Variants in GRIP2 observed in about 807,000 individuals in gnomAD.
The protein encoded by GRIP2 is glutamate receptor interacting protein 2.
A neutral mutation model predicts 108.3 loss-of-function variants in GRIP2; 58 were observed. That is an observed-to-expected ratio of 0.54 (90% CI 0.43 to 0.67). The LOEUF (loss-of-function observed/expected upper bound fraction) is 0.67. Ranked by LOEUF, GRIP2 falls within the 30% of genes least tolerant of loss-of-function variation. The pLI is 0.00. For synonymous variants in GRIP2, 586 were observed against 598.2 expected (o/e 0.98, Z 0.30); for missense variants, 1,278 against 1,430.6 (o/e 0.89, Z 1.72).
At chr3:14,529,728 A>G (rs1694660321) in intron 1 of GRIP2, among the ~76,000 whole-genome samples, 1 of 152,044 alleles carries the variant, frequency 6.6e-6, no homozygotes, top group Admixed American at 6.5e-5. Context: ...CATTATCTCA[A>G]ACTCTTGGGA....
intron 20 of GRIP2, among the ~76,000 whole-genome samples, chr3:14,504,309 G>GT (rs35560980): frequency 0.039 from 4,795 of 121,602 alleles, 315 homozygotes; most frequent in African/African-American, 0.12. Context: ...GCACTTGCTT[G>GT]TTTTTTTTTT....
At position 14,522,640 on chromosome 3, in the gene GRIP2, C is replaced by G; in HGVS notation, c.566+360G>C. The stretch of plus-strand genomic sequence containing the variant: ...ACCCAGGAGACTGAGTCACAGACGG[C>G]TACAGCAGTGGCCAATCAGCGTGCC... On this transcript the variant is annotated intron_variant, in intron 6 of 23. Transcript: ENST00000621039. This position sits in a 1 kb window ranked among gnomAD's most constrained non-coding sequence, Gnocchi z 4.3. 4.3e-6 allele frequency: 1 copy of G among 233,978 alleles called. No homozygotes were observed. Among genetic ancestry groups the G allele is most frequent in the Non-Finnish European group, 8.5e-6 (1 of 117,370 alleles). The allele number at this position is 233,978 out of a possible 1,614,324, so 14.5% of individuals were successfully genotyped here.
the GRIP2 span, among the ~76,000 whole-genome samples, chr3:14,579,797 T>G: frequency 3.1e-4 from 47 of 152,236 alleles, no homozygotes; most frequent in Admixed American, 1.6e-3. Context: ...TGTTGATTTC[T>G]CCAGTATCCA....
At chr3:14,546,298 G>A (rs1575033431), upstream of GRIP2, among the ~76,000 whole-genome samples, 1 of 152,346 alleles carries the variant, frequency 6.6e-6, no homozygotes. Flanking sequence ...CGAGGCCAGG[G>A]AGAGGAGTTG....
the GRIP2 span, among the ~76,000 whole-genome samples, chr3:14,584,272 C>T: frequency 1.3e-5 from 2 of 152,264 alleles, no homozygotes; most frequent in East Asian, 3.9e-4. Flanking sequence ...CTCTCTTGGC[C>T]CTTCTCTATT....
At chr3:14,558,161 C>G (rs1695264863), upstream of GRIP2, among the ~76,000 whole-genome samples, 4 of 152,172 alleles carry the variant, frequency 2.6e-5, no homozygotes, top group Admixed American at 2.6e-4. Flanking sequence ...CCCTATTTTA[C>G]AAGCAAGGAA....
chr3:14,518,683 G>A lies in GRIP2; in HGVS notation c.1031-786C>T, dbSNP rs1045432861. On this transcript the variant is annotated intron_variant, in intron 9 of 23. Transcript: ENST00000621039. The stretch of plus-strand genomic sequence containing the variant: ...GGTGAGGACTCAACTGTCTCAGCCC[G>A]TTGATTCTGTCTCCTTGAGCCACAT... Among the ~76,000 whole-genome samples the A allele has an allele frequency of 3.9e-5, 6 of 152,274 alleles. No homozygotes were observed. In the East Asian group the frequency reaches 5.8e-4, roughly 15 times the overall value.
rs1330639713 is a variant in GRIP2, at chr3:14,514,391, C to G, written c.1394G>C (p.Ser465Thr). 1.3e-6 allele frequency: 2 copies of G among 1,573,940 alleles called. No homozygotes were observed. Among genetic ancestry groups the G allele is most frequent in the African/African-American group, 1.3e-5 (1 of 74,172 alleles). Residue 465 changes from serine (S) to threonine (T), a missense_variant, in exon 12 of 24, where the codon AGC (serine) becomes ACC (threonine). Physicochemically the swap from Ser to Thr is moderately conservative, Grantham distance 58 (BLOSUM62 1). Coordinates refer to ENST00000621039, the MANE Select transcript of GRIP2 (RefSeq NM_001080423.4). Reference protein sequence around the residue: ...TEVVLCGDPLSGFGLQLQGGI... With the variant: ...TEVVLCGDPLTGFGLQLQGGI... ...GCCCTGGAGCTGGAGGCCAAAGCCGCTGAGGGGGTCTCCACAGAGCACGAC... is the reference window on the plus strand; with the variant it reads ...GCCCTGGAGCTGGAGGCCAAAGCCGGTGAGGGGGTCTCCACAGAGCACGAC...
the GRIP2 span, chr3:14,574,632 G>T: frequency 1.5e-6 from 1 of 670,088 alleles, no homozygotes. Context: ...GGCAAAGAAG[G>T]ATGTGTCCAT....
rs540741481 is a variant in GRIP2, at chr3:14,491,158, T to G, written c.*2507A>C. 1 of 152,226 alleles carries G rather than the reference T, an allele frequency of 6.6e-6. No homozygotes were observed. Among genetic ancestry groups the G allele is most frequent in the East Asian group, 1.9e-4 (1 of 5,180 alleles). The allele number at this position is 152,226 out of a possible 1,614,324, so 9.4% of individuals were successfully genotyped here. ...CCATGATTTTTTTAAAAAGCAAACT[T>G]CTACTCTAGGTGGATTTAAATAATT... On this transcript the variant is annotated 3_prime_UTR_variant, in exon 24 of 24. Coordinates refer to ENST00000621039, the MANE Select transcript of GRIP2 (RefSeq NM_001080423.4).
At position 14,521,850 on chromosome 3, in the gene GRIP2, A is replaced by T; in HGVS notation, c.567-63T>A. 7.4e-7 allele frequency: 1 copy of T among 1,348,994 alleles called. No individual in the cohort carries two copies. The highest frequency in any genetic ancestry group is 9.7e-7 in the Non-Finnish European group (1 of 1,027,374). The allele number at this position is 1,348,994 out of a possible 1,614,324, so 83.6% of individuals were successfully genotyped here. ...CAGCACTGGGCACAGCCTGTCTGGG[A>T]GGGCGCTGGGAAGCGGGACATGGAG... is the stretch of plus-strand genomic sequence containing the variant. On this transcript the variant is annotated intron_variant, in intron 6 of 23. Coordinates refer to ENST00000621039, the MANE Select transcript of GRIP2 (RefSeq NM_001080423.4). This position sits in a 1 kb window ranked among gnomAD's most constrained non-coding sequence, Gnocchi z 5.1.
chr3:14,541,644 C>G (rs529731099), upstream of GRIP2, among the ~76,000 whole-genome samples: 5 of 152,324 alleles, frequency 3.3e-5, no homozygotes, highest in South Asian at 1.0e-3. Context: ...TCTGCAAACT[C>G]AAGACCCTGC....
Position 14,491,757 on chromosome 3 carries a change from G to T in GRIP2, c.*1908C>A, listed in dbSNP as rs1701342659. On this transcript the variant is annotated 3_prime_UTR_variant, in exon 24 of 24. Coordinates refer to ENST00000621039, the MANE Select transcript of GRIP2 (RefSeq NM_001080423.4). ...TGTTGCTTAGCAGAGGTCCAGAGAGGCTGAGCCACCTGTCCAAGGTCACAC... is the reference window on the plus strand; with the variant it reads ...TGTTGCTTAGCAGAGGTCCAGAGAGTCTGAGCCACCTGTCCAAGGTCACAC... 1 of 152,338 alleles carries T rather than the reference G, an allele frequency of 6.6e-6. No homozygotes were observed. Among genetic ancestry groups the T allele is most frequent in the Non-Finnish European group, 1.5e-5 (1 of 68,140 alleles). The allele number at this position is 152,338 out of a possible 1,614,324, so 9.4% of individuals were successfully genotyped here. A position where few individuals can be genotyped will look rare whatever the true frequency, so the allele number is the denominator to read the frequency against.
chr3:14,523,058 C>T lies in GRIP2; in HGVS notation c.508G>A (p.Gly170Arg), dbSNP rs1270544792. ...AGGACAAGCGGGCGGGACTTGTGCC[C>T]ATCTTCATGGGCACCTCCTGGACAG... ...FVLRGGAHEDGHKSRPLVLTY... is the reference protein window; with the variant it reads ...FVLRGGAHEDRHKSRPLVLTY... Residue 170 changes from glycine (G) to arginine (R), a missense_variant, in exon 6 of 24, where the codon GGG becomes AGG. Gly to Arg is a moderately radical substitution (Grantham distance 125). Coordinates refer to ENST00000621039, the MANE Select transcript of GRIP2 (RefSeq NM_001080423.4). 1 of 1,609,726 alleles carries T rather than the reference C, an allele frequency of 6.2e-7. No homozygotes were observed. Among genetic ancestry groups the T allele is most frequent in the Non-Finnish European group, 8.5e-7 (1 of 1,177,416 alleles).
chr3:14,583,638 G>A, the GRIP2 span, among the ~76,000 whole-genome samples: 1 of 152,340 alleles, frequency 6.6e-6, no homozygotes, highest in Admixed American at 6.5e-5. Flanking sequence ...TTAGGTTAAA[G>A]GAAGAATAAT....
Position 14,517,104 on chromosome 3 carries a change from C to T in GRIP2, c.1266G>A (p.Met422Ile). 6.2e-7 allele frequency: 1 copy of T among 1,607,806 alleles called. No homozygotes were observed. The highest frequency in any genetic ancestry group is 8.5e-7 in the Non-Finnish European group (1 of 1,177,434). ...GSQPMSPRTTMGRRRQRRREH... is the reference protein window; with the variant it reads ...GSQPMSPRTTIGRRRQRRREH... The stretch of plus-strand genomic sequence containing the variant: ...CCCTTCTTCGCTGCCTCCTCCGCCC[C>T]ATTGTAGTTCGAGGACTCATGGGCT... Residue 422 changes from methionine (M) to isoleucine (I), a missense_variant, in exon 11 of 24, where the codon ATG (methionine) becomes ATA (isoleucine). By Grantham distance (10) the Met-to-Ile change is conservative. Transcript: ENST00000621039.
chr3:14,534,560 C>T (rs6442460), intron 1 of GRIP2, among the ~76,000 whole-genome samples: 143,570 of 152,094 alleles, frequency 0.94, 67,867 homozygotes, highest in East Asian at 1. Context: ...CTTCCAGCAA[C>T]GGGCAATTAT....
chr3:14,505,551 C>T lies in GRIP2; in HGVS notation c.2573+64G>A, dbSNP rs1334572550. 6 of 1,538,926 alleles carry T rather than the reference C, an allele frequency of 3.9e-6. No individual in the cohort carries two copies. Among genetic ancestry groups the T allele is most frequent in the Non-Finnish European group, 5.3e-6 (6 of 1,136,526 alleles). On this transcript the variant is annotated intron_variant, in intron 20 of 23. Coordinates refer to ENST00000621039, the MANE Select transcript of GRIP2 (RefSeq NM_001080423.4). The surrounding 1 kb of genome is among the most constrained non-coding windows in gnomAD (Gnocchi z 4.2). ...TTCCCCCACCACTTTGGCACAGGCA[C>T]CCTCGCCCACCCCAGCCAAGACACT...
the GRIP2 span, among the ~76,000 whole-genome samples, chr3:14,579,237 A>G: frequency 6.6e-6 from 1 of 152,168 alleles, no homozygotes; most frequent in African/African-American, 2.4e-5. Flanking sequence ...ACTCTTAAAG[A>G]CAAACTGAAT....
Sources: gnomAD v4.1 joint callset for allele counts (sites outside exome capture counted in the v4.1 genomes callset) on GRCh38, gnomAD v4.1.1 for gene constraint, Gnocchi (gnomAD v3.1) non-coding constraint, MANE v1.5 for transcripts, NCBI Gene and HGNC (gene_info 2026-07-23, HGNC 2026-07-21) for gene names.